GPC5: variants seen among roughly 807,000 people sequenced by gnomAD.
The protein encoded by GPC5 is glypican-5.
GPC5 carries 47 observed loss-of-function variants against 53.9 expected under a neutral mutation model. The observed-to-expected ratio is 0.87, with a 90% CI of 0.69 to 1.11. GPC5 has a LOEUF of 1.11. GPC5 is among the 50% of genes most tolerant of loss of function. The pLI is 0.00. For missense variants in GPC5, 748 were observed against 713.1 expected (o/e 1.05, Z -0.56); for synonymous variants, 286 against 263.3 (o/e 1.09, Z -0.84).
Position 92,496,241 on chromosome 13 carries a change from T to G in GPC5, c.1561+351252T>G, listed in dbSNP as rs144765907. 4.4e-3 allele frequency among the ~76,000 whole-genome samples: 665 copies of G among 152,332 alleles called. 2 individuals are homozygous for G. Among genetic ancestry groups the G allele is most frequent in the Non-Finnish European group, 6.6e-3 (451 of 68,020 alleles). ...TTTATCAGAAATTATATGAGTATTA[T>G]GTATTCAAAATCAATTTGTAATAGC... On this transcript the variant is annotated intron_variant, in intron 7 of 7. Transcript: ENST00000377067.
intron 7 of GPC5, among the ~76,000 whole-genome samples, chr13:92,643,592 T>C (rs544017267): frequency 0.015 from 2,148 of 140,180 alleles, 64 homozygotes; most frequent in African/African-American, 0.054. Flanking sequence ...ATGGATGAAA[T>C]TGGAAATCAT....
At chr13:92,154,973 AT>A (rs575872702) in intron 7 of GPC5, among the ~76,000 whole-genome samples, 20 of 152,266 alleles carry the variant, frequency 1.3e-4, no homozygotes, top group African/African-American at 4.8e-4. Flanking sequence ...TTTTGTATGT[AT>A]TGTCTATTTT....
intron 7 of GPC5, among the ~76,000 whole-genome samples, chr13:92,265,159 G>A (rs2042794803): frequency 6.6e-6 from 1 of 151,934 alleles, no homozygotes; most frequent in African/African-American, 2.4e-5. Context: ...GCAAACAGAT[G>A]CTTGGCCATA....
chr13:91,859,104 A>C (rs2038998710), intron 5 of GPC5, among the ~76,000 whole-genome samples: 1 of 147,400 alleles, frequency 6.8e-6, no homozygotes, highest in African/African-American at 2.5e-5. Context: ...CAAACTTTTC[A>C]TTTTGTTGAT....
At chr13:92,783,074 A>G (rs897111182) in intron 7 of GPC5, among the ~76,000 whole-genome samples, 4 of 152,170 alleles carry the variant, frequency 2.6e-5, no homozygotes, top group African/African-American at 9.7e-5. Flanking sequence ...ATTAGCTACC[A>G]TTTCTATTGT....
intron 3 of GPC5, among the ~76,000 whole-genome samples, chr13:91,704,240 G>A (rs2036051452): frequency 6.6e-6 from 1 of 150,964 alleles, no homozygotes; most frequent in South Asian, 2.1e-4. Flanking sequence ...TTGTCATTAT[G>A]TAATGCCCTT....
chr13:92,428,879 G>T (rs8001555), intron 7 of GPC5, among the ~76,000 whole-genome samples: 32,785 of 151,894 alleles, frequency 0.22, 4,473 homozygotes, highest in East Asian at 0.59. Flanking sequence ...CAAATCTCTG[G>T]CTTCAAGAAA....
At chr13:92,825,115 G>T (rs750467135) in intron 7 of GPC5, among the ~76,000 whole-genome samples, 1 of 152,042 alleles carries the variant, frequency 6.6e-6, no homozygotes, top group Non-Finnish European at 1.5e-5. Flanking sequence ...TATGATTTTT[G>T]ATCAAATATA....
intron 5 of GPC5, among the ~76,000 whole-genome samples, chr13:91,813,888 A>G (rs1260884527): frequency 2.0e-5 from 3 of 148,420 alleles, no homozygotes; most frequent in African/African-American, 7.5e-5. Flanking sequence ...TTTTGATAAG[A>G]TAATATTTAG....
intron 2 of GPC5, among the ~76,000 whole-genome samples, chr13:91,669,210 G>A (rs1302556910): frequency 6.6e-6 from 1 of 152,180 alleles, no homozygotes; most frequent in Non-Finnish European, 1.5e-5. Flanking sequence ...TTAACTGATA[G>A]TCATATGTGG....
chr13:92,658,688 G>A (rs1331136417), intron 7 of GPC5, among the ~76,000 whole-genome samples: 2 of 152,070 alleles, frequency 1.3e-5, no homozygotes, highest in Admixed American at 1.3e-4. Flanking sequence ...GGAAGAGATA[G>A]GCATTTCAGG....
chr13:91,655,260 G>T (rs987341018), intron 2 of GPC5, among the ~76,000 whole-genome samples: 1 of 151,978 alleles, frequency 6.6e-6, no homozygotes, highest in Non-Finnish European at 1.5e-5. Flanking sequence ...ACTGTTGTAT[G>T]CTAGGACAAT....
At chr13:92,654,661 A>T (rs1886066413) in intron 7 of GPC5, among the ~76,000 whole-genome samples, 1 of 152,108 alleles carries the variant, frequency 6.6e-6, no homozygotes, top group Non-Finnish European at 1.5e-5. Flanking sequence ...CGTTTGACAA[A>T]CATGATTCAT....
chr13:92,848,382 T>G (rs1458765888), intron 7 of GPC5, among the ~76,000 whole-genome samples: 1 of 152,108 alleles, frequency 6.6e-6, no homozygotes, highest in Non-Finnish European at 1.5e-5. Flanking sequence ...TTTATGTAGC[T>G]CTAATTTAAT....
chr13:91,719,218 G>A lies in GPC5; in HGVS notation c.1021-9314G>A, dbSNP rs533230055. ...CGTGTTCTAGAATCTGCAGTTGCCC[G>A]TTTGCTCTGGTGAGTCAGCATCCTG... On this transcript the variant is annotated intron_variant, in intron 3 of 7. Transcript: ENST00000377067. 1.2e-4 allele frequency among the ~76,000 whole-genome samples: 18 copies of A among 152,296 alleles called. No homozygotes were observed. The South Asian group carries it at 2.5e-3, about 21-fold the overall frequency.
At chr13:92,840,314 T>C (rs1285802215) in intron 7 of GPC5, among the ~76,000 whole-genome samples, 2 of 151,800 alleles carry the variant, frequency 1.3e-5, no homozygotes, top group Admixed American at 6.6e-5. Context: ...TGCTTCCTCT[T>C]TGGCTATTGT....
intron 7 of GPC5, among the ~76,000 whole-genome samples, chr13:92,206,125 T>C (rs2042333495): frequency 6.6e-6 from 1 of 150,476 alleles, no homozygotes; most frequent in Admixed American, 6.6e-5. Context: ...TTGTTATTGT[T>C]GTTGTTGTTA....
chr13:92,863,269 T>A (rs1879237598), intron 7 of GPC5, among the ~76,000 whole-genome samples: 1 of 152,200 alleles, frequency 6.6e-6, no homozygotes, highest in Admixed American at 6.5e-5. Context: ...TTGGCTCCAC[T>A]GCTTATGGTC....
At chr13:92,815,406 A>G (rs898634136) in intron 7 of GPC5, among the ~76,000 whole-genome samples, 2 of 151,988 alleles carry the variant, frequency 1.3e-5, no homozygotes, top group Non-Finnish European at 2.9e-5. Context: ...CTGAGGCAAG[A>G]AAGTTTTTTG....
Sources: gnomAD v4.1 joint callset for allele counts (sites outside exome capture counted in the v4.1 genomes callset) on GRCh38, gnomAD v4.1.1 for gene constraint, MANE v1.5 for transcripts, NCBI Gene and HGNC (gene_info 2026-07-23, HGNC 2026-07-21) for gene names.